Variants in NBEAL1 observed in about 807,000 individuals in gnomAD.
The protein encoded by NBEAL1 is neurobeachin like 1.
Under a neutral mutation model 351.3 loss-of-function variants are expected in NBEAL1, and 273 were observed. The ratio of observed to expected loss-of-function variants is 0.78; its 90% CI spans 0.70 to 0.86. The LOEUF is 0.86. NBEAL1 is among the 40% of genes least tolerant of loss of function. The pLI, the probability that NBEAL1 is intolerant of heterozygous loss-of-function variation, is 0.00. For synonymous variants in NBEAL1, 1,050 were observed against 1,086.4 expected, an observed-to-expected ratio of 0.97 and a Z score of 0.66; for missense variants, 2,961 against 3,201.3, an observed-to-expected ratio of 0.92 and a Z score of 1.81.
intron 6 of NBEAL1, 84 bp from the exon 7 acceptor site, chr2:203,068,309 A>G (rs950905187): frequency 1.6e-6 from 1 of 620,912 alleles, no homozygotes; most frequent in Non-Finnish European, 2.7e-6. Flanking sequence ...AGTAATATTA[A>G]ATTTGTTTTA....
intron 10 of NBEAL1, among the ~76,000 whole-genome samples, chr2:203,091,637 G>GT (rs895146782): frequency 5.3e-5 from 8 of 151,784 alleles, no homozygotes; most frequent in African/African-American, 9.7e-5. Context: ...CAGTAGTGTT[G>GT]TTTTTTTTCT....
At chr2:203,158,844 G>A (rs1298745421) in intron 36 of NBEAL1, among the ~76,000 whole-genome samples, 1 of 104,826 alleles carries the variant, frequency 9.5e-6, no homozygotes, top group Admixed American at 1.4e-4. Flanking sequence ...TTTTGAGACA[G>A]GATCTCGCTG....
intron 6 of NBEAL1, among the ~76,000 whole-genome samples, chr2:203,058,324 C>T (rs2061439916): frequency 6.6e-6 from 1 of 152,156 alleles, no homozygotes. Flanking sequence ...AACCACTGCA[C>T]CCAGCCTCCT....
rs146302555 is a variant in NBEAL1, at chr2:203,165,018, C to T, written c.5715-1131C>T. Reference sequence around the variant, plus strand: ...CTGGGATTACAGGCATGCACCACCACGCCTGGCTAATTTTGTATTTTTAGT... The same window carrying T: ...CTGGGATTACAGGCATGCACCACCATGCCTGGCTAATTTTGTATTTTTAGT... On this transcript the variant is annotated intron_variant, in intron 36 of 55. Coordinates refer to ENST00000683969, the MANE Select transcript of NBEAL1 (RefSeq NM_001378026.1). Among the ~76,000 whole-genome samples the T allele has an allele frequency of 1.1e-4, 17 of 152,208 alleles. No homozygotes were observed. In the East Asian group the frequency reaches 2.7e-3, roughly 24 times the overall value.
chr2:203,214,270 T>G (rs1379958109), intron 55 of NBEAL1, among the ~76,000 whole-genome samples: 1 of 152,244 alleles, frequency 6.6e-6, no homozygotes, highest in African/African-American at 2.4e-5. Flanking sequence ...CATTATAAAT[T>G]TTTTTAAGTC....
At chr2:203,080,326 G>T (rs2061850488) in intron 8 of NBEAL1, among the ~76,000 whole-genome samples, 1 of 152,026 alleles carries the variant, frequency 6.6e-6, no homozygotes, top group Non-Finnish European at 1.5e-5. Flanking sequence ...GCAGGAGAAT[G>T]GCGTGAACCC....
chr2:203,098,842 C>T (rs2062242599), intron 11 of NBEAL1, among the ~76,000 whole-genome samples: 1 of 152,112 alleles, frequency 6.6e-6, no homozygotes, highest in African/African-American at 2.4e-5. Context: ...AATTGATTGG[C>T]ATATGCACAT....
In NBEAL1 at chr2:203,180,463, A is replaced by G. The variant is rs747480260; in HGVS notation, c.6546A>G (p.Glu2182=). The G allele has an allele frequency of 6.2e-7, 1 of 1,612,296 alleles. No individual in the cohort carries two copies. Among genetic ancestry groups the G allele is most frequent in the South Asian group, 1.1e-5 (1 of 90,778 alleles). The change falls in exon 43 of 56, where the codon GAA becomes GAG. Residue 2182 remains glutamate, a synonymous_variant. Coordinates refer to ENST00000683969, the MANE Select transcript of NBEAL1 (RefSeq NM_001378026.1). ...ALMDNPYDVK[E]LIPEFFYFPE... is the part of the protein sequence containing the mutation. ...TGGATAATCCATATGATGTTAAAGA[A>G]CTTATTCCTGAATTCTTCTATTTCC...
At chr2:203,162,019 ATTTT>A (rs780529337) in intron 36 of NBEAL1, among the ~76,000 whole-genome samples, 1 of 107,224 alleles carries the variant, frequency 9.3e-6, no homozygotes, top group African/African-American at 3.6e-5. Flanking sequence ...ATTTGATTTG[ATTTT>A]TTTTTTTTTT....
At chr2:203,014,631 G>A (rs903324511), upstream of NBEAL1, 1 of 152,296 alleles carries the variant, frequency 6.6e-6, no homozygotes, top group African/African-American at 2.4e-5. Flanking sequence ...GTCCAGCTGA[G>A]GGAAGGCTCG....
chr2:203,136,373 A>G (rs1397547368), intron 28 of NBEAL1, 121 bp downstream of exon 28: 2 of 877,880 alleles, frequency 2.3e-6, no homozygotes, highest in Non-Finnish European at 3.3e-6. Flanking sequence ...TCTAAGTTTC[A>G]TGATCTAAGG....
intron 3 of NBEAL1, among the ~76,000 whole-genome samples, chr2:203,048,092 T>G (rs2061259678): frequency 6.6e-6 from 1 of 152,118 alleles, no homozygotes; most frequent in South Asian, 2.1e-4. Flanking sequence ...CCCACATCTT[T>G]CAGGCTGGTA....
chr2:203,216,694 C>T (rs1352767137), intron 55 of NBEAL1, among the ~76,000 whole-genome samples: 2 of 152,176 alleles, frequency 1.3e-5, no homozygotes, highest in East Asian at 1.9e-4. Flanking sequence ...GTAACTTTGA[C>T]ATAACGAGGC....
At chr2:203,179,684 A>G (rs931009143) in intron 42 of NBEAL1, among the ~76,000 whole-genome samples, 2 of 152,170 alleles carry the variant, frequency 1.3e-5, no homozygotes, top group Non-Finnish European at 2.9e-5. Context: ...CTATTAACCA[A>G]GTATATTGAT....
At chr2:203,207,152 T>C (rs367689277) in intron 51 of NBEAL1, among the ~76,000 whole-genome samples, 6 of 133,438 alleles carry the variant, frequency 4.5e-5, no homozygotes, top group Admixed American at 1.5e-4. Context: ...GCAACCGCCC[T>C]GTCTGAGAAG....
chr2:203,062,338 A>T lies in NBEAL1; in HGVS notation c.515+4885A>T, dbSNP rs1169569809. 3 of 490,436 alleles carry T rather than the reference A, an allele frequency of 6.1e-6. No individual in the cohort carries two copies. Among genetic ancestry groups the T allele is most frequent in the South Asian group, 4.4e-5 (3 of 67,536 alleles). The allele number at this position is 490,436 out of a possible 1,614,324, so 30.4% of individuals were successfully genotyped here. A position where few individuals can be genotyped will look rare whatever the true frequency, so the allele number is the denominator to read the frequency against. The stretch of plus-strand genomic sequence containing the variant: ...TCTATAAGAGTTTCTTCTGGGAAAA[A>T]TCCAGCAACGCCCACTCCTGAGGGG... On this transcript the variant is annotated intron_variant, in intron 6 of 55. Coordinates refer to ENST00000683969, the MANE Select transcript of NBEAL1 (RefSeq NM_001378026.1). The surrounding 1 kb of genome is among the most constrained non-coding windows in gnomAD (Gnocchi z 4.2).
At chr2:203,078,172 G>C (rs921153351) in intron 8 of NBEAL1, among the ~76,000 whole-genome samples, 1 of 151,976 alleles carries the variant, frequency 6.6e-6, no homozygotes, top group African/African-American at 2.4e-5. Flanking sequence ...TAGTAGTTTG[G>C]TTTCTAAAGA....
chr2:203,124,754 T>C (rs2062902030), intron 19 of NBEAL1, among the ~76,000 whole-genome samples: 1 of 152,212 alleles, frequency 6.6e-6, no homozygotes, highest in Admixed American at 6.5e-5. Context: ...TATATTAGCT[T>C]ACTTAATCCT....
At chr2:203,214,167 TCTAA>T (rs1403215879) in intron 55 of NBEAL1, among the ~76,000 whole-genome samples, 2 of 152,248 alleles carry the variant, frequency 1.3e-5, no homozygotes, top group African/African-American at 4.8e-5. Flanking sequence ...ATATCATAAA[TCTAA>T]CTCTCACTCT....
Sources: allele counts gnomAD v4.1 joint callset (sites outside exome capture counted in the v4.1 genomes callset), GRCh38; gene constraint gnomAD v4.1.1; non-coding constraint Gnocchi (gnomAD v3.1); transcripts MANE v1.5; gene names NCBI Gene and HGNC (gene_info 2026-07-23, HGNC 2026-07-21).